TMEM117: variants seen among roughly 807,000 people sequenced by gnomAD.
TMEM117 encodes the protein transmembrane protein 117.
Under a neutral mutation model 52.4 loss-of-function variants are expected in TMEM117, and 27 were observed. The ratio of observed to expected loss-of-function variants is 0.51; its 90% CI spans 0.38 to 0.71. The LOEUF is 0.71. Among genes scored for constraint, TMEM117 ranks in the 30% least tolerant of loss-of-function variants. The pLI is 0.00. For missense variants in TMEM117, 556 were observed against 630.5 expected, an observed-to-expected ratio of 0.88 and a Z score of 1.26; for synonymous variants, 215 against 206.3, an observed-to-expected ratio of 1.04 and a Z score of -0.36.
intron 3 of TMEM117, among the ~76,000 whole-genome samples, chr12:44,101,214 A>G (rs572587714): frequency 6.6e-6 from 1 of 151,752 alleles, no homozygotes; most frequent in Non-Finnish European, 1.5e-5. Flanking sequence ...TGTTGAACAT[A>G]TGTTGAACAT....
chr12:44,343,934 T>A (rs941676864), intron 6 of TMEM117, among the ~76,000 whole-genome samples: 12 of 152,064 alleles, frequency 7.9e-5, no homozygotes, highest in African/African-American at 2.9e-4. Flanking sequence ...TGATGTTGAG[T>A]TTATGGTCTT....
chr12:44,330,398 G>A (rs1951253953), intron 6 of TMEM117, among the ~76,000 whole-genome samples: 1 of 151,960 alleles, frequency 6.6e-6, no homozygotes, highest in South Asian at 2.1e-4. Flanking sequence ...AACTACATGT[G>A]TAATGGTAAG....
Position 44,298,369 on chromosome 12 carries a change from C to T in TMEM117, c.609-1211C>T, listed in dbSNP as rs1253945616. The stretch of plus-strand genomic sequence containing the variant: ...TTTTCTTCTGTTTTCCTTTATTTCC[C>T]TTTTCTTTCTTGCATTTTTATCTGA... On this transcript the variant is annotated intron_variant, in intron 5 of 7. Coordinates refer to ENST00000266534, the MANE Select transcript of TMEM117 (RefSeq NM_032256.3). Among the ~76,000 whole-genome samples the T allele has an allele frequency of 4.0e-5, 6 of 149,600 alleles. No homozygotes were observed. In the South Asian group the frequency reaches 1.2e-3, roughly 31 times the overall value.
chr12:44,023,408 C>A (rs1301858394), intron 3 of TMEM117, among the ~76,000 whole-genome samples: 2 of 152,146 alleles, frequency 1.3e-5, no homozygotes, highest in African/African-American at 4.8e-5. Flanking sequence ...ACACTGACTT[C>A]CACAATGGTT....
intron 3 of TMEM117, among the ~76,000 whole-genome samples, chr12:44,027,160 T>TTTAG (rs1946551643): frequency 7.7e-6 from 1 of 129,176 alleles, no homozygotes; most frequent in Non-Finnish European, 1.6e-5. Context: ...TTTTATTTTA[T>TTTAG]TTTATTTTAT....
At chr12:44,287,435 A>G (rs1317620733) in intron 5 of TMEM117, among the ~76,000 whole-genome samples, 3 of 152,194 alleles carry the variant, frequency 2.0e-5, no homozygotes, top group African/African-American at 4.8e-5. Context: ...GGTCCAGATT[A>G]AACATCTTTT....
intron 3 of TMEM117, among the ~76,000 whole-genome samples, chr12:44,116,115 T>G (rs918805580): frequency 6.6e-6 from 1 of 152,234 alleles, no homozygotes; most frequent in Non-Finnish European, 1.5e-5. Context: ...CATGTTAAAT[T>G]TAACAGATAT....
intron 5 of TMEM117, among the ~76,000 whole-genome samples, chr12:44,237,543 A>G (rs1592630572): frequency 1.3e-5 from 2 of 151,968 alleles, no homozygotes; most frequent in East Asian, 3.9e-4. Context: ...ATGGTGAAAC[A>G]CCATCTCTAA....
chr12:43,904,064 G>C (rs1410396392), intron 2 of TMEM117, among the ~76,000 whole-genome samples: 5 of 152,170 alleles, frequency 3.3e-5, no homozygotes, highest in Non-Finnish European at 7.3e-5. Flanking sequence ...TATCATTTAA[G>C]AAAAGAAGTA....
chr12:43,983,386 G>C (rs1945791639), intron 3 of TMEM117, among the ~76,000 whole-genome samples: 1 of 152,048 alleles, frequency 6.6e-6, no homozygotes, highest in Non-Finnish European at 1.5e-5. Flanking sequence ...GTGAGGAAGA[G>C]GGCCATGTAG....
At chr12:43,984,641 C>T (rs1393254840) in intron 3 of TMEM117, among the ~76,000 whole-genome samples, 3 of 152,104 alleles carry the variant, frequency 2.0e-5, no homozygotes, top group Non-Finnish European at 4.4e-5. Context: ...ATTGATAGAC[C>T]CTTGTAGGAA....
At chr12:44,007,603 C>T (rs111408122) in intron 3 of TMEM117, among the ~76,000 whole-genome samples, 1 of 152,066 alleles carries the variant, frequency 6.6e-6, no homozygotes, top group Non-Finnish European at 1.5e-5. Context: ...TAGTACTAAG[C>T]CCTCTAAATA....
chr12:44,209,718 G>T (rs1949620359), intron 4 of TMEM117, among the ~76,000 whole-genome samples: 1 of 152,108 alleles, frequency 6.6e-6, no homozygotes, highest in South Asian at 2.1e-4. Context: ...TCAACCAAGA[G>T]AATCTTGGGA....
At chr12:44,155,606 G>T (rs1223579888) in intron 4 of TMEM117, among the ~76,000 whole-genome samples, 1 of 151,998 alleles carries the variant, frequency 6.6e-6, no homozygotes, top group Non-Finnish European at 1.5e-5. Context: ...AAATTCAAAT[G>T]CCCTCAAGGC....
chr12:44,095,806 C>G (rs1228369767), intron 3 of TMEM117, among the ~76,000 whole-genome samples: 5 of 152,072 alleles, frequency 3.3e-5, no homozygotes, highest in Admixed American at 2.0e-4. Context: ...AAAACTGGCA[C>G]AAGACAGGGA....
At chr12:43,864,062 G>A (rs892042817) in intron 2 of TMEM117, among the ~76,000 whole-genome samples, 2 of 152,322 alleles carry the variant, frequency 1.3e-5, no homozygotes, top group Admixed American at 1.3e-4. Flanking sequence ...GGGTGCGCTG[G>A]GTCCCCCAGC....
intron 3 of TMEM117, among the ~76,000 whole-genome samples, chr12:44,051,277 A>G (rs1207233625): frequency 1.3e-5 from 2 of 152,166 alleles, no homozygotes; most frequent in Non-Finnish European, 2.9e-5. Flanking sequence ...CATAGTAGCC[A>G]TGGTAATTTG....
chr12:44,133,577 A>AG (rs1230415571), intron 3 of TMEM117, among the ~76,000 whole-genome samples: 1 of 151,962 alleles, frequency 6.6e-6, no homozygotes, highest in African/African-American at 2.4e-5. Context: ...TCAAAAGCAG[A>AG]GCGTGAAATT....
chr12:44,357,086 A>G (rs948253845), intron 6 of TMEM117, among the ~76,000 whole-genome samples: 1 of 152,082 alleles, frequency 6.6e-6, no homozygotes, highest in African/African-American at 2.4e-5. Context: ...TGGCCCATTC[A>G]CATTTGTTCG....
Sources: gnomAD v4.1 joint callset for allele counts (sites outside exome capture counted in the v4.1 genomes callset) on GRCh38, gnomAD v4.1.1 for gene constraint, MANE v1.5 for transcripts, NCBI Gene and HGNC (gene_info 2026-07-23, HGNC 2026-07-21) for gene names.